WWP1: variants seen among roughly 807,000 people sequenced by gnomAD.
WWP1 encodes NEDD4-like E3 ubiquitin-protein ligase WWP1.
A neutral mutation model predicts 130.6 loss-of-function variants in WWP1; 49 were observed. The ratio of observed to expected loss-of-function variants is 0.38; its 90% CI spans 0.30 to 0.48. WWP1 has a LOEUF of 0.48. WWP1 is among the 20% of genes least tolerant of loss of function. The pLI is 0.99. For missense variants in WWP1, 809 were observed against 1,100.6 expected (o/e 0.74, Z 3.75); for synonymous variants, 332 against 367.8 (o/e 0.90, Z 1.11).
chr8:86,362,514 C>CAAG (rs1823729793), intron 1 of WWP1, among the ~76,000 whole-genome samples: 2 of 151,846 alleles, frequency 1.3e-5, no homozygotes, highest in Non-Finnish European at 2.9e-5. Context: ...GTAGAAGAAT[C>CAAG]GGTGACAAGC....
intron 5 of WWP1, among the ~76,000 whole-genome samples, chr8:86,396,629 T>C (rs1319814532): frequency 2.6e-5 from 4 of 151,452 alleles, no homozygotes; most frequent in African/African-American, 9.7e-5. Context: ...GGTCTCGCTC[T>C]ATTACTCCCA....
intron 2 of WWP1, among the ~76,000 whole-genome samples, chr8:86,372,642 TC>T: frequency 6.6e-6 from 1 of 152,334 alleles, no homozygotes; most frequent in African/African-American, 2.4e-5. Flanking sequence ...TCATTTTTTT[TC>T]CATATGGATA....
chr8:86,351,202 A>G (rs984568356), intron 1 of WWP1, among the ~76,000 whole-genome samples: 4 of 152,232 alleles, frequency 2.6e-5, no homozygotes, highest in African/African-American at 9.6e-5. Context: ...CCCTTAAATC[A>G]TGTTTATTGC....
At chr8:86,405,686 C>T (rs1423120972) in intron 8 of WWP1, among the ~76,000 whole-genome samples, 4 of 152,210 alleles carry the variant, frequency 2.6e-5, no homozygotes, top group South Asian at 2.1e-4. Flanking sequence ...CATGTGCCAC[C>T]ATGCCTGTCT....
chr8:86,442,707 A>G lies in WWP1; in HGVS notation c.1927A>G (p.Ile643Val), dbSNP rs1810653068. 1 of 1,613,006 alleles carries G rather than the reference A, an allele frequency of 6.2e-7. No individual in the cohort carries two copies. The highest frequency in any genetic ancestry group is 1.1e-5 in the South Asian group (1 of 90,894). The change falls in exon 18 of 25, where the codon ATA becomes GTA. Residue 643 changes from isoleucine to valine, a missense_variant. By Grantham distance (29) the Ile-to-Val change is conservative. Coordinates refer to ENST00000517970, the MANE Select transcript of WWP1 (RefSeq NM_007013.4). ...YAGKNNYCLQ[I>V]NPASTINPDH... ...GGGCAAGAACAACTATTGTCTGCAG[A>G]TAAATCCAGCATCAACCATTAATCC... is the stretch of plus-strand genomic sequence containing the variant.
At chr8:86,359,257 T>C (rs1422022016) in intron 1 of WWP1, among the ~76,000 whole-genome samples, 3 of 152,102 alleles carry the variant, frequency 2.0e-5, no homozygotes, top group South Asian at 4.2e-4. Context: ...CCAGGACCAG[T>C]TTGATAATAG....
At chr8:86,399,302 T>C (rs1807843903) in intron 7 of WWP1, among the ~76,000 whole-genome samples, 1 of 152,204 alleles carries the variant, frequency 6.6e-6, no homozygotes, top group Admixed American at 6.5e-5. Flanking sequence ...TCAGACATCA[T>C]TGTGGCCTTC....
chr8:86,368,101 TTC>T (rs1251210214), intron 1 of WWP1, among the ~76,000 whole-genome samples: 2 of 152,220 alleles, frequency 1.3e-5, no homozygotes, highest in Non-Finnish European at 2.9e-5. Context: ...TTTAACCTCC[TTC>T]TCCCACAATA....
chr8:86,360,223 T>C (rs1823512297), intron 1 of WWP1, among the ~76,000 whole-genome samples: 3 of 152,146 alleles, frequency 2.0e-5, no homozygotes, highest in African/African-American at 4.8e-5. Flanking sequence ...GTCAAAATCA[T>C]CTGAAAATAA....
chr8:86,360,747 G>T (rs1257360555), intron 1 of WWP1, among the ~76,000 whole-genome samples: 1 of 152,192 alleles, frequency 6.6e-6, no homozygotes, highest in African/African-American at 2.4e-5. Context: ...TTGCAGAGTT[G>T]GGGGTATGGA....
intron 1 of WWP1, among the ~76,000 whole-genome samples, chr8:86,358,573 C>T (rs1337402917): frequency 6.6e-6 from 1 of 151,786 alleles, no homozygotes; most frequent in African/African-American, 2.4e-5. Flanking sequence ...CCTCAAGTTC[C>T]CCAGGCTCAA....
intron 17 of WWP1, 51 bp from the exon 18 acceptor site, chr8:86,442,568 T>A (rs780618306): frequency 8.7e-6 from 13 of 1,488,582 alleles, no homozygotes; most frequent in Non-Finnish European, 9.0e-7. Context: ...AGATCTGTTT[T>A]TAAATTCACA....
At chr8:86,362,603 A>T (rs1823735522) in intron 1 of WWP1, among the ~76,000 whole-genome samples, 1 of 152,058 alleles carries the variant, frequency 6.6e-6, no homozygotes, top group South Asian at 2.1e-4. Flanking sequence ...TGTTTATTTT[A>T]AGTAGTACAT....
intron 8 of WWP1, among the ~76,000 whole-genome samples, chr8:86,407,164 C>G (rs549314498): frequency 6.6e-6 from 1 of 152,320 alleles, no homozygotes; most frequent in East Asian, 1.9e-4. Context: ...GCTATCATAA[C>G]TATTACATAA....
At chr8:86,394,933 T>TA (rs10694206) in intron 5 of WWP1, among the ~76,000 whole-genome samples, 10,788 of 76,394 alleles carry the variant, frequency 0.14, 2,156 homozygotes, top group African/African-American at 0.45. Flanking sequence ...CTGTTCTTCT[T>TA]AAAAAAAAAA....
chr8:86,381,570 C>G lies in WWP1; in HGVS notation c.275C>G (p.Ala92Gly), dbSNP rs1445467627. 4.3e-6 allele frequency: 7 copies of G among 1,610,660 alleles called. No homozygotes were observed. The highest frequency in any genetic ancestry group is 5.9e-6 in the Non-Finnish European group (7 of 1,179,230). ...VWSHRTLKAD[A>G]LLGKATIDLK... ...AGCCATCGCACTTTAAAAGCAGATGCTTTATTAGGAAAAGCAACGATAGAT... is the reference window on the plus strand; with the variant it reads ...AGCCATCGCACTTTAAAAGCAGATGGTTTATTAGGAAAAGCAACGATAGAT... The change falls in exon 5 of 25, where the codon GCT becomes GGT. Residue 92 changes from alanine (A) to glycine (G), a missense_variant. Ala to Gly is a moderately conservative substitution (Grantham distance 60). Coordinates refer to ENST00000517970, the MANE Select transcript of WWP1 (RefSeq NM_007013.4).
chr8:86,422,773 CAA>C lies in WWP1; in HGVS notation c.1062-2449_1062-2448del, dbSNP rs947155882. 1.4e-4 allele frequency among the ~76,000 whole-genome samples: 22 copies of C among 151,948 alleles called. 1 individual carries two copies. Among genetic ancestry groups the C allele is most frequent in the African/African-American group, 4.4e-4 (18 of 41,354 alleles). ...GAAGAAAAAATGAGAATGGGAGAAACAAGAGATTGAGAGTCTTCAAAATAGAA... is the reference window on the plus strand; with the variant it reads ...GAAGAAAAAATGAGAATGGGAGAAACGAGATTGAGAGTCTTCAAAATAGAA... On this transcript the variant is annotated intron_variant, in intron 9 of 24. Coordinates refer to ENST00000517970, the MANE Select transcript of WWP1 (RefSeq NM_007013.4).
At chr8:86,435,792 AC>A in intron 16 of WWP1, 88 bp downstream of exon 16, 1 of 1,234,470 alleles carries the variant, frequency 8.1e-7, no homozygotes, top group Non-Finnish European at 1.1e-6. Flanking sequence ...AGATTTTTAA[AC>A]CACCCAGAAC....
chr8:86,412,346 C>G (rs1012304571), intron 9 of WWP1, among the ~76,000 whole-genome samples: 1 of 152,152 alleles, frequency 6.6e-6, no homozygotes, highest in African/African-American at 2.4e-5. Flanking sequence ...GTTAGTAATT[C>G]TTAATCTCTT....
Sources: allele counts gnomAD v4.1 joint callset (sites outside exome capture counted in the v4.1 genomes callset), GRCh38; gene constraint gnomAD v4.1.1; transcripts MANE v1.5; gene names NCBI Gene and HGNC (gene_info 2026-07-23, HGNC 2026-07-21).